The following ABI3BP variants were observed in gnomAD, a reference collection of about 807,000 sequenced individuals.
ABI3BP encodes the protein ABI family member 3 binding protein.
Under a neutral mutation model 268.6 loss-of-function variants are expected in ABI3BP, and 216 were observed. That is an observed-to-expected ratio of 0.80 (90% CI 0.72 to 0.90). The LOEUF (loss-of-function observed/expected upper bound fraction) is 0.90. ABI3BP is among the 40% of genes least tolerant of loss of function. The pLI is 0.00. For missense variants in ABI3BP, 2,090 were observed against 2,182.4 expected (o/e 0.96, Z 0.84); for synonymous variants, 730 against 730.0 (o/e 1.00, Z 0.00).
intron 64 of ABI3BP, 58 bp from the exon 65 acceptor site, chr3:100,753,906 T>G: frequency 6.5e-7 from 1 of 1,538,248 alleles, no homozygotes; most frequent in Non-Finnish European, 8.9e-7. Context: ...AACATTCCAG[T>G]GGCATGGTGA....
At chr3:100,990,170 T>C (rs2092692048) in intron 1 of ABI3BP, among the ~76,000 whole-genome samples, 1 of 152,214 alleles carries the variant, frequency 6.6e-6, no homozygotes, top group Non-Finnish European at 1.5e-5. Context: ...TTACAAGAGA[T>C]TTGTCTTACA....
At chr3:100,962,204 G>T (rs139207344) in intron 1 of ABI3BP, among the ~76,000 whole-genome samples, 490 of 152,134 alleles carry the variant, frequency 3.2e-3, no homozygotes, top group African/African-American at 0.011. Flanking sequence ...ACAGAAAATT[G>T]AAGTCACTGG....
At position 100,764,319 on chromosome 3, in the gene ABI3BP, T is replaced by C. The variant is rs116066859; in HGVS notation, c.4850+1522A>G. On this transcript the variant is annotated intron_variant, in intron 63 of 67. Transcript: ENST00000471714. ...TGCTTCATTCAGAGTTCTCACTACT[T>C]TGTGTAGAATCCTTGGTCATTAACT... Among the ~76,000 whole-genome samples, 519 of 152,344 alleles carry C rather than the reference T, an allele frequency of 3.4e-3. 5 individuals are homozygous for C. The highest frequency in any genetic ancestry group is 5.0e-3 in the Non-Finnish European group (338 of 68,024).
chr3:100,862,740 C>A, intron 13 of ABI3BP, 98 bp downstream of exon 13: 1 of 832,766 alleles, frequency 1.2e-6, no homozygotes, highest in South Asian at 1.8e-5. Flanking sequence ...ACTATCAGTT[C>A]ATGAGGTTTC....
chr3:100,886,984 C>T (rs2042274954), intron 4 of ABI3BP, among the ~76,000 whole-genome samples: 1 of 151,762 alleles, frequency 6.6e-6, no homozygotes, highest in Admixed American at 6.6e-5. Flanking sequence ...TAAAATAATC[C>T]TTATCACTAT....
Position 100,869,330 on chromosome 3 carries a change from G to GTTTTTTTTTTTTTTTTTTT in ABI3BP, c.911-2393_911-2375dup, listed in dbSNP as rs144604645. On this transcript the variant is annotated intron_variant, in intron 9 of 67. Coordinates refer to ENST00000471714, the MANE Select transcript of ABI3BP (RefSeq NM_001375547.2). ...ATATTGTTTTTTCTTCTTCTTTTTG[G>GTTTTTTTTTTTTTTTTTTT]TTTTTTTTTTTTTTTTTTTTTTTTT... 4.3e-3 allele frequency among the ~76,000 whole-genome samples: 213 copies of GTTTTTTTTTTTTTTTTTTT among 49,746 alleles called. 40 individuals carry two copies. The highest frequency in any genetic ancestry group is 9.9e-3 in the South Asian group (8 of 812). The allele number at this position is 49,746 out of a possible 152,430, so 32.6% of individuals were successfully genotyped here. A position where few individuals can be genotyped will look rare whatever the true frequency, so the allele number is the denominator to read the frequency against.
chr3:100,781,909 G>T (rs879696154), intron 57 of ABI3BP, among the ~76,000 whole-genome samples: 21 of 152,180 alleles, frequency 1.4e-4, no homozygotes, highest in Non-Finnish European at 2.6e-4. Context: ...TAAGCAATTT[G>T]CCCAAGGTCT....
chr3:100,831,675 C>T (rs1324994958), intron 31 of ABI3BP, among the ~76,000 whole-genome samples: 3 of 152,152 alleles, frequency 2.0e-5, no homozygotes, highest in Non-Finnish European at 4.4e-5. Context: ...GAGCCAACTT[C>T]AACACATTCC....
intron 1 of ABI3BP, among the ~76,000 whole-genome samples, chr3:100,985,141 CTTTTTTTTTTT>C (rs1172049956): frequency 1.4e-4 from 11 of 79,852 alleles, no homozygotes; most frequent in Middle Eastern, 0.01. Context: ...CAGAAAAGCA[CTTTTTTTTTTT>C]TTTTTTTTTT....
intron 61 of ABI3BP, among the ~76,000 whole-genome samples, chr3:100,773,845 A>G (rs575367960): frequency 2.4e-4 from 36 of 152,370 alleles, no homozygotes; most frequent in South Asian, 1.9e-3. Flanking sequence ...CAACAAAAAG[A>G]GTTCATACTG....
chr3:100,847,530 A>G (rs996114029), intron 19 of ABI3BP, 72 bp downstream of exon 19: 183 of 1,307,120 alleles, frequency 1.4e-4, no homozygotes, highest in Non-Finnish European at 2.0e-4. Context: ...CAGACATTAC[A>G]TAAAAGCTGG....
chr3:100,819,283 T>G (rs1240875616), intron 40 of ABI3BP, among the ~76,000 whole-genome samples: 1 of 152,226 alleles, frequency 6.6e-6, no homozygotes, highest in African/African-American at 2.4e-5. Context: ...TTGCCTCTAC[T>G]CTTCCTGTCT....
At chr3:100,901,627 C>T (rs2576395) in intron 3 of ABI3BP, among the ~76,000 whole-genome samples, 1 of 152,070 alleles carries the variant, frequency 6.6e-6, no homozygotes, top group Non-Finnish European at 1.5e-5. Context: ...TTAGCCGGGC[C>T]TGGTGGTGGG....
At chr3:100,777,646 A>C (rs2096744714) in intron 59 of ABI3BP, among the ~76,000 whole-genome samples, 1 of 152,186 alleles carries the variant, frequency 6.6e-6, no homozygotes, top group South Asian at 2.1e-4. Context: ...GAGTCAGGGG[A>C]GGTTTTTAAA....
At chr3:100,894,400 C>T (rs1164735463) in intron 4 of ABI3BP, among the ~76,000 whole-genome samples, 1 of 152,004 alleles carries the variant, frequency 6.6e-6, no homozygotes, top group Non-Finnish European at 1.5e-5. Flanking sequence ...CATGTATTTA[C>T]TTGGGGCCTC....
rs3057219 is a variant in ABI3BP at position 100,749,524 on chromosome 3, GAGTT to G, written c.*967_*970del. On this transcript the variant is annotated 3_prime_UTR_variant, in exon 68 of 68. Coordinates refer to ENST00000471714, the MANE Select transcript of ABI3BP (RefSeq NM_001375547.2). ...CAATACCTTTTTAATAGAAATAAATGAGTTAGTTAGTTAGATTTTTATTACAGAT... is the reference window on the plus strand; with the variant it reads ...CAATACCTTTTTAATAGAAATAAATGAGTTAGTTAGATTTTTATTACAGAT... The G allele has an allele frequency of 0.016, 6,491 of 395,636 alleles. 189 individuals carry two copies. The highest frequency in any genetic ancestry group is 0.087 in the African/African-American group (4,194 of 48,392). 24.5% of individuals were successfully genotyped at this position (395,636 alleles called of 1,614,324 possible). A position where few individuals can be genotyped will look rare whatever the true frequency, so the allele number is the denominator to read the frequency against.
chr3:100,916,396 A>G (rs982215064), intron 2 of ABI3BP, among the ~76,000 whole-genome samples: 1 of 152,182 alleles, frequency 6.6e-6, no homozygotes, highest in Admixed American at 6.5e-5. Context: ...TTTACACAAG[A>G]TGAGTTTTTA....
At chr3:100,835,260 A>T (rs1442407133) in intron 28 of ABI3BP, among the ~76,000 whole-genome samples, 1 of 152,216 alleles carries the variant, frequency 6.6e-6, no homozygotes, top group Non-Finnish European at 1.5e-5. Flanking sequence ...CCACAGAATT[A>T]TAATTGATAT....
chr3:100,780,034 G>A (rs2096823914), intron 58 of ABI3BP, 98 bp downstream of exon 58: 2 of 1,039,704 alleles, frequency 1.9e-6, no homozygotes, highest in Non-Finnish European at 3.0e-6. Flanking sequence ...TTCGGGGGCT[G>A]TGTGGATGTT....
Sources: allele counts gnomAD v4.1 joint callset (sites outside exome capture counted in the v4.1 genomes callset), GRCh38; gene constraint gnomAD v4.1.1; transcripts MANE v1.5; gene names NCBI Gene and HGNC (gene_info 2026-07-23, HGNC 2026-07-21).